The following IQGAP2 variants were observed in gnomAD, a reference collection of about 807,000 sequenced individuals.
The protein encoded by IQGAP2 is ras GTPase-activating-like protein IQGAP2.
A neutral mutation model predicts 201.3 loss-of-function variants in IQGAP2; 173 were observed. The observed-to-expected ratio is 0.86, with a 90% CI of 0.76 to 0.98. The LOEUF (loss-of-function observed/expected upper bound fraction) is 0.98, where lower values mean the gene tolerates loss of function less well. Among genes scored for constraint, IQGAP2 ranks in the 50% least tolerant of loss-of-function variants. The pLI is 0.00. For missense variants in IQGAP2, 1,687 were observed against 1,864.8 expected, an observed-to-expected ratio of 0.90 and a Z score of 1.76; for synonymous variants, 675 against 673.9, an observed-to-expected ratio of 1.00 and a Z score of -0.03.
At position 76,600,931 on chromosome 5, in the gene IQGAP2, C is replaced by T. The variant is rs769272766; in HGVS notation, c.1191C>T (p.Pro397=). Reference sequence around the variant, plus strand: ...CTGTGCAGAATCAACTCAGAAGCCCCGCAATAGGCTTAAACAATCTGGACA... The same window carrying T: ...CTGTGCAGAATCAACTCAGAAGCCCTGCAATAGGCTTAAACAATCTGGACA... ...LVSVQNQLRS[P]AIGLNNLDKA... Residue 397 remains proline (P), a synonymous_variant, in exon 11 of 36, where the codon CCC becomes CCT. Coordinates refer to ENST00000274364, the MANE Select transcript of IQGAP2 (RefSeq NM_006633.5). 94 of 1,613,974 alleles carry T rather than the reference C, an allele frequency of 5.8e-5. 1 individual carries two copies. The highest frequency in any genetic ancestry group is 1.6e-4 in the Middle Eastern group (1 of 6,084).
intron 2 of IQGAP2, among the ~76,000 whole-genome samples, chr5:76,557,518 T>C (rs979302498): frequency 1.3e-5 from 2 of 152,236 alleles, no homozygotes; most frequent in Non-Finnish European, 1.5e-5. Context: ...TGATGCCTAA[T>C]GTTAAAAAAA....
At chr5:76,641,124 T>C in intron 17 of IQGAP2, 21 bp downstream of exon 17, 1 of 1,531,116 alleles carries the variant, frequency 6.5e-7, no homozygotes, top group South Asian at 1.2e-5. Flanking sequence ...CACCTGCCAC[T>C]GTTTACACAA....
At chr5:76,623,619 G>T (rs1749933373) in intron 13 of IQGAP2, among the ~76,000 whole-genome samples, 1 of 152,212 alleles carries the variant, frequency 6.6e-6, no homozygotes, top group African/African-American at 2.4e-5. Flanking sequence ...TTGAACAGCA[G>T]TAAGTTTTGA....
chr5:76,702,514 C>G lies in IQGAP2; in HGVS notation c.4538C>G (p.Thr1513Ser). ...FKNVTFDIIA[T>S]EDVGIFDVRS... ...AATGTTACATTTGATATCATAGCTA[C>G]TGAAGATGTAGGCATTTTCGATGTA... Residue 1513 changes from threonine (T) to serine (S), a missense_variant, in exon 35 of 36, where the codon ACT (threonine) becomes AGT (serine). By Grantham distance (58) the Thr-to-Ser change is moderately conservative (BLOSUM62 1). Transcript: ENST00000274364. 6.3e-7 allele frequency: 1 copy of G among 1,584,698 alleles called. No homozygotes were observed. The highest frequency in any genetic ancestry group is 8.7e-7 in the Non-Finnish European group (1 of 1,153,322).
chr5:76,403,673 C>A lies in IQGAP2; in HGVS notation c.46+82C>A. On this transcript the variant is annotated intron_variant, in intron 1 of 35. Transcript: ENST00000274364. This position sits in a 1 kb window ranked among gnomAD's most constrained non-coding sequence, Gnocchi z 4.8. ...GACGGCGTTGGAGAAGCCGAGGGAGCCGGTTGCGCGGCGCAGAGGAAATTG... is the reference window on the plus strand; with the variant it reads ...GACGGCGTTGGAGAAGCCGAGGGAGACGGTTGCGCGGCGCAGAGGAAATTG... 2 of 1,226,016 alleles carry A rather than the reference C, an allele frequency of 1.6e-6. No individual in the cohort carries two copies. Among genetic ancestry groups the A allele is most frequent in the Non-Finnish European group, 2.2e-6 (2 of 920,398 alleles). The allele number at this position is 1,226,016 out of a possible 1,614,324, so 75.9% of individuals were successfully genotyped here.
intron 1 of IQGAP2, among the ~76,000 whole-genome samples, chr5:76,444,862 T>C (rs916888751): frequency 3.9e-5 from 6 of 152,124 alleles, no homozygotes; most frequent in African/African-American, 1.4e-4. Flanking sequence ...AAGTGCTTTT[T>C]GGAAATAAAA....
intron 2 of IQGAP2, among the ~76,000 whole-genome samples, chr5:76,534,562 G>A (rs891146018): frequency 1.3e-5 from 2 of 152,190 alleles, no homozygotes; most frequent in Admixed American, 6.5e-5. Context: ...AAGAACATGA[G>A]ATATTCTTTT....
intron 27 of IQGAP2, 95 bp from the exon 28 acceptor site, chr5:76,677,123 G>A: frequency 1.6e-6 from 2 of 1,247,116 alleles, no homozygotes; most frequent in Non-Finnish European, 2.3e-6. Flanking sequence ...TGGGAACAAA[G>A]TACATGTCAT....
At chr5:76,485,759 A>T (rs999239493) in intron 2 of IQGAP2, among the ~76,000 whole-genome samples, 2 of 152,106 alleles carry the variant, frequency 1.3e-5, no homozygotes, top group African/African-American at 2.4e-5. Context: ...ACAGCCCCCC[A>T]GGTGTGGCTC....
chr5:76,414,876 T>G (rs2150074535), intron 1 of IQGAP2, among the ~76,000 whole-genome samples: 1 of 152,356 alleles, frequency 6.6e-6, no homozygotes, highest in East Asian at 1.9e-4. Flanking sequence ...CCTGTAACTT[T>G]TCACATTAGA....
At chr5:76,488,063 A>G (rs1327739820) in intron 2 of IQGAP2, among the ~76,000 whole-genome samples, 1 of 152,144 alleles carries the variant, frequency 6.6e-6, no homozygotes, top group Non-Finnish European at 1.5e-5. Flanking sequence ...TGAGCCTCTC[A>G]TCTGTGGTTT....
intron 30 of IQGAP2, among the ~76,000 whole-genome samples, chr5:76,685,147 A>G (rs1745626950): frequency 6.6e-6 from 1 of 152,182 alleles, no homozygotes; most frequent in Admixed American, 6.5e-5. Flanking sequence ...ACAAGAGTTG[A>G]GGGCGGTTCT....
At chr5:76,544,698 T>C (rs1742987494) in intron 2 of IQGAP2, among the ~76,000 whole-genome samples, 1 of 152,206 alleles carries the variant, frequency 6.6e-6, no homozygotes, top group South Asian at 2.1e-4. Context: ...TAATTTTTTT[T>C]GGTCATATAT....
intron 1 of IQGAP2, among the ~76,000 whole-genome samples, chr5:76,456,722 A>T (rs1178530820): frequency 6.6e-6 from 1 of 152,224 alleles, no homozygotes; most frequent in Non-Finnish European, 1.5e-5. Flanking sequence ...GAAATGAATT[A>T]TCTATTCAAG....
chr5:76,688,484 C>T (rs1745981045), intron 30 of IQGAP2, among the ~76,000 whole-genome samples: 1 of 152,136 alleles, frequency 6.6e-6, no homozygotes, highest in Non-Finnish European at 1.5e-5. Context: ...ATAGCAAACA[C>T]CTATGTAGTG....
chr5:76,409,531 G>A (rs1330513032), intron 1 of IQGAP2, among the ~76,000 whole-genome samples: 2 of 152,062 alleles, frequency 1.3e-5, no homozygotes, highest in African/African-American at 2.4e-5. Flanking sequence ...ACAGGCATGA[G>A]CCACCATGCC....
intron 1 of IQGAP2, among the ~76,000 whole-genome samples, chr5:76,434,753 TA>T (rs1298158368): frequency 6.6e-6 from 1 of 152,206 alleles, no homozygotes; most frequent in Non-Finnish European, 1.5e-5. Context: ...ATGGTAGATC[TA>T]CTTTTAGTTC....
At chr5:76,493,780 T>C (rs1756711652) in intron 2 of IQGAP2, among the ~76,000 whole-genome samples, 2 of 152,244 alleles carry the variant, frequency 1.3e-5, no homozygotes, top group African/African-American at 4.8e-5. Context: ...GAATGATTTG[T>C]AATTTATTTG....
chr5:76,455,819 T>A (rs1754050379), intron 1 of IQGAP2, among the ~76,000 whole-genome samples: 1 of 152,194 alleles, frequency 6.6e-6, no homozygotes, highest in African/African-American at 2.4e-5. Context: ...GGGAAATTCT[T>A]CTAATGCCAA....
Sources: allele counts gnomAD v4.1 joint callset (sites outside exome capture counted in the v4.1 genomes callset), GRCh38; gene constraint gnomAD v4.1.1; non-coding constraint Gnocchi (gnomAD v3.1); transcripts MANE v1.5; gene names NCBI Gene and HGNC (gene_info 2026-07-23, HGNC 2026-07-21).